The following MAN2A1 variants were observed in gnomAD, a reference collection of about 807,000 sequenced individuals.
MAN2A1 encodes alpha-mannosidase 2.
MAN2A1 carries 76 observed loss-of-function variants against 142.6 expected under a neutral mutation model. That is an observed-to-expected ratio of 0.53 (90% CI 0.44 to 0.65). The LOEUF (loss-of-function observed/expected upper bound fraction) is 0.65. Among genes scored for constraint, MAN2A1 ranks in the 30% least tolerant of loss-of-function variants. The pLI, the probability that MAN2A1 is intolerant of heterozygous loss-of-function variation, is 0.00. For synonymous variants in MAN2A1, 559 were observed against 473.2 expected, an observed-to-expected ratio of 1.18 and a Z score of -2.35; for missense variants, 1,311 against 1,365.1, an observed-to-expected ratio of 0.96 and a Z score of 0.62.
intron 2 of MAN2A1, among the ~76,000 whole-genome samples, chr5:109,715,636 G>T (rs1208348731): frequency 6.6e-6 from 1 of 152,074 alleles, no homozygotes; most frequent in Non-Finnish European, 1.5e-5. Flanking sequence ...ATGCTACATG[G>T]CAGAATAGCT....
At chr5:109,763,825 G>A (rs982159400) in intron 5 of MAN2A1, among the ~76,000 whole-genome samples, 4 of 146,512 alleles carry the variant, frequency 2.7e-5, no homozygotes, top group African/African-American at 1.0e-4. Flanking sequence ...TTTTTGAGAC[G>A]GAGTCTCACT....
chr5:109,841,175 G>T (rs1755193369), intron 16 of MAN2A1, among the ~76,000 whole-genome samples: 1 of 152,150 alleles, frequency 6.6e-6, no homozygotes, highest in African/African-American at 2.4e-5. Flanking sequence ...GGTTATTGGG[G>T]TACAGGTGGT....
chr5:109,711,452 A>G (rs1452863354), intron 1 of MAN2A1, among the ~76,000 whole-genome samples: 8 of 140,440 alleles, frequency 5.7e-5, no homozygotes. Context: ...CATCAACTGT[A>G]CCTGACTCAA....
chr5:109,833,097 A>G (rs1754965483), intron 16 of MAN2A1, among the ~76,000 whole-genome samples: 2 of 147,554 alleles, frequency 1.4e-5, no homozygotes. Flanking sequence ...GGCGCTCCCC[A>G]TATCTCAGAC....
chr5:109,787,238 G>C (rs1422932819), intron 10 of MAN2A1, among the ~76,000 whole-genome samples: 1 of 151,932 alleles, frequency 6.6e-6, no homozygotes, highest in Non-Finnish European at 1.5e-5. Context: ...AAGGTAGGTG[G>C]GAGAAAACGG....
At chr5:109,734,917 G>T (rs199683983) in intron 4 of MAN2A1, among the ~76,000 whole-genome samples, 221 of 142,730 alleles carry the variant, frequency 1.5e-3, no homozygotes, top group East Asian at 2.4e-3. Flanking sequence ...TTCAATTCCT[G>T]GGTATCCTTG....
At chr5:109,693,804 G>C (rs2112534726) in intron 1 of MAN2A1, among the ~76,000 whole-genome samples, 1 of 152,272 alleles carries the variant, frequency 6.6e-6, no homozygotes, top group South Asian at 2.1e-4. Flanking sequence ...GAGGACTAGA[G>C]GCAACAGGGG....
rs1752778730 is a variant in MAN2A1, at chr5:109,759,515, T to C, written c.835+4059T>C. ...CCAGTTTCCTGTTGAACATTTGGGTTGCTTTCAGTTTTGAGCTATGGTGAA... is the reference window on the plus strand; with the variant it reads ...CCAGTTTCCTGTTGAACATTTGGGTCGCTTTCAGTTTTGAGCTATGGTGAA... On this transcript the variant is annotated intron_variant, in intron 5 of 21. Coordinates refer to ENST00000261483, the MANE Select transcript of MAN2A1 (RefSeq NM_002372.4). Among the ~76,000 whole-genome samples the C allele has an allele frequency of 2.6e-5, 4 of 152,290 alleles. No homozygotes were observed. The South Asian group carries it at 8.3e-4, about 32-fold the overall frequency.
intron 3 of MAN2A1, among the ~76,000 whole-genome samples, chr5:109,722,467 T>G (rs1310403106): frequency 6.6e-6 from 1 of 152,178 alleles, no homozygotes; most frequent in Non-Finnish European, 1.5e-5. Context: ...CAGGCTGGAG[T>G]GCAGTGGTGC....
intron 5 of MAN2A1, among the ~76,000 whole-genome samples, chr5:109,763,672 T>C (rs1752914875): frequency 6.6e-6 from 1 of 152,156 alleles, no homozygotes; most frequent in Admixed American, 6.5e-5. Flanking sequence ...CTTGGTTTTG[T>C]TTTCTAAAGA....
chr5:109,853,465 A>G (rs923095488), intron 19 of MAN2A1: 2 of 152,226 alleles, frequency 1.3e-5, no homozygotes, highest in Admixed American at 1.3e-4. Context: ...GAGGATTGGT[A>G]TATATGCACG....
chr5:109,804,725 C>T (rs1446031991), intron 12 of MAN2A1, among the ~76,000 whole-genome samples: 1 of 152,096 alleles, frequency 6.6e-6, no homozygotes, highest in African/African-American at 2.4e-5. Flanking sequence ...AGAGATGTAG[C>T]ACTAGTAAAA....
Position 109,866,812 on chromosome 5 carries a change from T to A in MAN2A1, c.3283-34T>A, listed in dbSNP as rs372611191. ...TTGTGCTGCTAATCTTCAAAGTTGA[T>A]CTAAATATGTAAATTTTATCATTTA... is the stretch of plus-strand genomic sequence containing the variant. On this transcript the variant is annotated intron_variant, in intron 21 of 21. Transcript: ENST00000261483. The A allele has an allele frequency of 2.1e-6, 3 of 1,434,788 alleles. No homozygotes were observed. The East Asian group carries it at 6.9e-5, about 33-fold the overall frequency. The allele number at this position is 1,434,788 out of a possible 1,614,324, so 88.9% of individuals were successfully genotyped here.
At chr5:109,804,097 G>C (rs960684762) in intron 12 of MAN2A1, 1 of 858,614 alleles carries the variant, frequency 1.2e-6, no homozygotes, top group African/African-American at 1.8e-5. Flanking sequence ...AAGTGATGTG[G>C]CATATTTCAA....
At chr5:109,718,734 T>C (rs1751523304) in intron 3 of MAN2A1, among the ~76,000 whole-genome samples, 1 of 152,196 alleles carries the variant, frequency 6.6e-6, no homozygotes, top group African/African-American at 2.4e-5. Flanking sequence ...ACAGCACTTT[T>C]ACTTGGTCTC....
intron 5 of MAN2A1, among the ~76,000 whole-genome samples, chr5:109,763,468 C>T (rs1367917972): frequency 6.6e-6 from 1 of 150,672 alleles, no homozygotes; most frequent in East Asian, 1.9e-4. Context: ...GAATTAGTGT[C>T]CTTGGTTTTG....
intron 1 of MAN2A1, among the ~76,000 whole-genome samples, chr5:109,708,366 T>C (rs6877440): frequency 0.15 from 23,212 of 151,814 alleles, 2,004 homozygotes; most frequent in African/African-American, 0.25. Context: ...GGCAGATGAA[T>C]GAATGGGAGT....
intron 16 of MAN2A1, among the ~76,000 whole-genome samples, chr5:109,836,841 T>C (rs1755069614): frequency 6.6e-6 from 1 of 152,144 alleles, no homozygotes; most frequent in African/African-American, 2.4e-5. Context: ...AATTCAGATA[T>C]ATGTGCAAGC....
intron 4 of MAN2A1, among the ~76,000 whole-genome samples, chr5:109,754,156 C>G (rs908794709): frequency 6.6e-6 from 1 of 152,134 alleles, no homozygotes; most frequent in Non-Finnish European, 1.5e-5. Context: ...AAGCAATCCT[C>G]CTGTCTTGGC....
Sources: allele counts gnomAD v4.1 joint callset (sites outside exome capture counted in the v4.1 genomes callset), GRCh38; gene constraint gnomAD v4.1.1; transcripts MANE v1.5; gene names NCBI Gene and HGNC (gene_info 2026-07-23, HGNC 2026-07-21).